THRB: variants seen among roughly 807,000 people sequenced by gnomAD.
THRB encodes nuclear receptor subfamily 1 group A member 2.
A neutral mutation model predicts 47.8 loss-of-function variants in THRB; 12 were observed. The ratio of observed to expected loss-of-function variants is 0.25; its 90% CI spans 0.16 to 0.41. The LOEUF is 0.41. THRB is among the 10% of genes least tolerant of loss of function. The pLI, the probability that THRB is intolerant of heterozygous loss-of-function variation, is 1.00. For synonymous variants in THRB, 218 were observed against 212.2 expected, an observed-to-expected ratio of 1.03 and a Z score of -0.24; for missense variants, 348 against 589.2, an observed-to-expected ratio of 0.59 and a Z score of 4.24.
At chr3:24,334,499 T>C (rs146267724) in intron 2 of THRB, among the ~76,000 whole-genome samples, 86 of 152,274 alleles carry the variant, frequency 5.6e-4, no homozygotes, top group Middle Eastern at 3.4e-3. Flanking sequence ...CTGAACAACA[T>C]AAAATCCCAA....
chr3:24,180,499 C>A (rs926345480), intron 5 of THRB, among the ~76,000 whole-genome samples: 1 of 152,188 alleles, frequency 6.6e-6, no homozygotes, highest in Non-Finnish European at 1.5e-5. Flanking sequence ...TGACAAATGT[C>A]ATGGGGACAG....
chr3:24,223,738 A>G (rs554912047), intron 4 of THRB, among the ~76,000 whole-genome samples: 2 of 152,252 alleles, frequency 1.3e-5, no homozygotes, highest in East Asian at 3.9e-4. Context: ...GATATGTACT[A>G]AATTGAGAAA....
In THRB at chr3:24,263,666, G is replaced by C. The variant is rs149163056; in HGVS notation, c.-43+33560C>G. On this transcript the variant is annotated intron_variant, in intron 3 of 10. Coordinates refer to ENST00000646209, the MANE Select transcript of THRB (RefSeq NM_001354712.2). The stretch of plus-strand genomic sequence containing the variant: ...CCTTCCATACCAGCACCATGGCCTA[G>C]ACAGAGTGGGCACTCAATAAACATT... Among the ~76,000 whole-genome samples the C allele has an allele frequency of 4.5e-3, 667 of 149,088 alleles. 5 individuals are homozygous for C. Among genetic ancestry groups the C allele is most frequent in the African/African-American group, 0.015 (621 of 40,290 alleles).
chr3:24,357,197 C>A (rs2063728622), intron 1 of THRB, among the ~76,000 whole-genome samples: 1 of 148,514 alleles, frequency 6.7e-6, no homozygotes, highest in Admixed American at 6.7e-5. Flanking sequence ...ATATTTTAGG[C>A]TCAAAATCTC....
chr3:24,240,519 G>A (rs1324637542), intron 3 of THRB, among the ~76,000 whole-genome samples: 3 of 152,196 alleles, frequency 2.0e-5, no homozygotes, highest in Non-Finnish European at 4.4e-5. Flanking sequence ...ATTCTTAGGT[G>A]AAAATCAGAC....
At position 24,357,378 on chromosome 3, in the gene THRB, A is replaced by AAAAAAAAAC. The variant is rs1560011027; in HGVS notation, c.-260-20008_-260-20007insGTTTTTTTT. On this transcript the variant is annotated intron_variant, in intron 1 of 10. Transcript: ENST00000646209. ...AAAAAAAAAAAAAAAAAAAAAACAA[A>AAAAAAAAAC]AAACAAACAAACAAAAAAACACCAA... 6.9e-4 allele frequency among the ~76,000 whole-genome samples: 97 copies of AAAAAAAAAC among 141,242 alleles called. 5 individuals carry two copies. The highest frequency in any genetic ancestry group is 2.6e-3 in the African/African-American group (89 of 33,674). The allele number at this position is 141,242 out of a possible 152,430, so 92.7% of individuals were successfully genotyped here.
At chr3:24,169,387 A>G (rs1400166255) in intron 5 of THRB, among the ~76,000 whole-genome samples, 9 of 152,136 alleles carry the variant, frequency 5.9e-5, no homozygotes, top group African/African-American at 2.2e-4. Context: ...ATTTTGGTCC[A>G]TGAGAGTGAG....
intron 2 of THRB, among the ~76,000 whole-genome samples, chr3:24,336,366 G>A (rs1227026310): frequency 1.3e-5 from 2 of 152,318 alleles, no homozygotes; most frequent in African/African-American, 2.4e-5. Context: ...CCTGGCTCCC[G>A]CAGCCAGTGA....
At chr3:24,176,983 G>A (rs2041243085) in intron 5 of THRB, among the ~76,000 whole-genome samples, 2 of 152,076 alleles carry the variant, frequency 1.3e-5, no homozygotes, top group South Asian at 2.1e-4. Context: ...TAGATGCAGG[G>A]CTACAAACAG....
At chr3:24,465,604 A>T (rs2074076348) in intron 1 of THRB, among the ~76,000 whole-genome samples, 1 of 152,086 alleles carries the variant, frequency 6.6e-6, no homozygotes. Flanking sequence ...GGGTTTCACC[A>T]TGTTGGCCAG....
chr3:24,229,098 A>T (rs553302621), intron 3 of THRB, 97 bp from the exon 4 acceptor site: 5 of 779,760 alleles, frequency 6.4e-6, no homozygotes, highest in Non-Finnish European at 1.1e-5. Flanking sequence ...ATTACCTTGA[A>T]GCAATATTTG....
intron 3 of THRB, among the ~76,000 whole-genome samples, chr3:24,283,282 T>C (rs1214611390): frequency 9.9e-5 from 15 of 152,020 alleles, no homozygotes; most frequent in Admixed American, 2.0e-4. Context: ...GTTCAATATA[T>C]GCAAATCAAT....
At chr3:24,477,473 G>A (rs939047860) in intron 1 of THRB, among the ~76,000 whole-genome samples, 1 of 152,014 alleles carries the variant, frequency 6.6e-6, no homozygotes, top group African/African-American at 2.4e-5. Context: ...TGCAGATCCC[G>A]GGTTCAGCAG....
intron 1 of THRB, among the ~76,000 whole-genome samples, chr3:24,384,878 T>C (rs1349884072): frequency 1.3e-5 from 2 of 152,124 alleles, no homozygotes; most frequent in South Asian, 2.1e-4. Flanking sequence ...GGTAGCCTCC[T>C]GGGTTTTGGA....
Position 24,169,632 on chromosome 3 carries a change from A to C in THRB, c.284-17142T>G, listed in dbSNP as rs1307717907. On this transcript the variant is annotated intron_variant, in intron 5 of 10. Coordinates refer to ENST00000646209, the MANE Select transcript of THRB (RefSeq NM_001354712.2). ...TATAAGTAAAGCACTTAGAATGATGACTGGCCTAGTAAGTGACATAATTAT... is the reference window on the plus strand; with the variant it reads ...TATAAGTAAAGCACTTAGAATGATGCCTGGCCTAGTAAGTGACATAATTAT... Among the ~76,000 whole-genome samples, 4 of 150,088 alleles carry C rather than the reference A, an allele frequency of 2.7e-5. No homozygotes were observed. The East Asian group carries it at 7.7e-4, about 29-fold the overall frequency.
At chr3:24,233,257 G>C (rs1191303862) in intron 3 of THRB, among the ~76,000 whole-genome samples, 3 of 152,026 alleles carry the variant, frequency 2.0e-5, no homozygotes, top group Non-Finnish European at 4.4e-5. Flanking sequence ...GAAGGCCTTG[G>C]GTTCCATGCC....
chr3:24,154,812 A>G (rs190709355), intron 5 of THRB, among the ~76,000 whole-genome samples: 1 of 152,308 alleles, frequency 6.6e-6, no homozygotes, highest in East Asian at 1.9e-4. Context: ...TACACAATTA[A>G]TCCAACAGAA....
At chr3:24,340,905 T>C (rs2062596551) in intron 1 of THRB, among the ~76,000 whole-genome samples, 1 of 152,190 alleles carries the variant, frequency 6.6e-6, no homozygotes, top group Non-Finnish European at 1.5e-5. Context: ...AATCTTCTGA[T>C]ACGTTTAAAC....
At chr3:24,124,936 T>A (rs1034600368) in intron 10 of THRB, among the ~76,000 whole-genome samples, 4 of 152,174 alleles carry the variant, frequency 2.6e-5, no homozygotes, top group Admixed American at 1.3e-4. Flanking sequence ...GGGTGGATTG[T>A]GAAAAGTTAT....
Sources: gnomAD v4.1 joint callset for allele counts (sites outside exome capture counted in the v4.1 genomes callset) on GRCh38, gnomAD v4.1.1 for gene constraint, MANE v1.5 for transcripts, NCBI Gene and HGNC (gene_info 2026-07-23, HGNC 2026-07-21) for gene names.